The following BRI3BP variants were observed in gnomAD, a reference collection of about 807,000 sequenced individuals.
BRI3BP encodes BRI3 binding protein.
BRI3BP carries 7 observed loss-of-function variants against 15.8 expected under a neutral mutation model. That is an observed-to-expected ratio of 0.44 (90% confidence interval 0.25 to 0.83). BRI3BP has a LOEUF of 0.83. BRI3BP is among the 40% of genes least tolerant of loss of function. The pLI is 0.20. For synonymous variants in BRI3BP, 192 were observed against 163.5 expected (o/e 1.17, Z -1.33); for missense variants, 320 against 339.3 (o/e 0.94, Z 0.45).
At chr12:125,010,150 T>G (rs1955185044) in intron 1 of BRI3BP, among the ~76,000 whole-genome samples, 3 of 151,978 alleles carry the variant, frequency 2.0e-5, no homozygotes, top group African/African-American at 4.8e-5. Context: ...AACAGGAGTC[T>G]TGAACACTTA....
chr12:125,039,196 C>T, the BRI3BP span, among the ~76,000 whole-genome samples: 1 of 152,256 alleles, frequency 6.6e-6, no homozygotes, highest in African/African-American at 2.4e-5. Flanking sequence ...GAAGTCAGGA[C>T]TGAAACCCAG....
At chr12:125,040,736 C>T in the BRI3BP span, among the ~76,000 whole-genome samples, 2 of 150,672 alleles carry the variant, frequency 1.3e-5, no homozygotes, top group African/African-American at 2.4e-5. Context: ...TTTATTTATT[C>T]ATTTTTTTTT....
intron 1 of BRI3BP, among the ~76,000 whole-genome samples, chr12:124,997,214 CTTTTT>C (rs1229802280): frequency 5.8e-5 from 3 of 51,548 alleles, no homozygotes; most frequent in Non-Finnish European, 9.6e-5. Flanking sequence ...CTTTACTTCT[CTTTTT>C]TTTTTTTTTT....
chr12:125,020,841 C>T (rs1955292720), intron 2 of BRI3BP, among the ~76,000 whole-genome samples: 1 of 152,056 alleles, frequency 6.6e-6, no homozygotes, highest in South Asian at 2.1e-4. Context: ...GATCATGCTA[C>T]TGAAGTCTAG....
At chr12:125,043,157 G>A in the BRI3BP span, among the ~76,000 whole-genome samples, 9 of 152,224 alleles carry the variant, frequency 5.9e-5, no homozygotes, top group Non-Finnish European at 1.2e-4. Flanking sequence ...ATAACAATGT[G>A]TGGTATTATT....
the BRI3BP span, among the ~76,000 whole-genome samples, chr12:125,042,728 G>T: frequency 1.3e-5 from 2 of 151,940 alleles, no homozygotes; most frequent in Non-Finnish European, 2.9e-5. Flanking sequence ...TTAGAGATAG[G>T]GTTTCACCGT....
At chr12:125,013,044 A>G (rs574522013) in intron 2 of BRI3BP, among the ~76,000 whole-genome samples, 40 of 152,308 alleles carry the variant, frequency 2.6e-4, no homozygotes, top group South Asian at 1.2e-3. Flanking sequence ...TGATCATGCC[A>G]CTGTACTCCA....
intron 1 of BRI3BP, among the ~76,000 whole-genome samples, chr12:125,007,236 T>C (rs1955152589): frequency 6.6e-6 from 1 of 151,688 alleles, no homozygotes. Context: ...TTGACAAACA[T>C]GTACAAGTCA....
rs761451999 is a variant in BRI3BP at position 125,025,109 on chromosome 12, C to T, written c.435C>T (p.Phe145=). The change falls in exon 3 of 3, where the codon TTC becomes TTT. Residue 145 remains phenylalanine (F), a synonymous_variant. Transcript: ENST00000341446. The part of the protein sequence containing the change: ...AYWFLSLTLG[F]TFSVLHVVFG... Reference sequence around the variant, plus strand: ...GGTTCTTGTCCCTGACCCTGGGCTTCACTTTCAGCGTCCTGCACGTGGTGT... The same window carrying T: ...GGTTCTTGTCCCTGACCCTGGGCTTTACTTTCAGCGTCCTGCACGTGGTGT... 3.1e-6 allele frequency: 5 copies of T among 1,614,034 alleles called. No homozygotes were observed. The highest frequency in any genetic ancestry group is 4.2e-6 in the Non-Finnish European group (5 of 1,180,034).
intron 2 of BRI3BP, among the ~76,000 whole-genome samples, chr12:125,020,105 G>A (rs916493865): frequency 1.3e-5 from 2 of 151,586 alleles, no homozygotes; most frequent in Non-Finnish European, 2.9e-5. Flanking sequence ...CACTATGCCC[G>A]GCTAATTTTG....
rs1036530548 is a variant in BRI3BP at position 125,031,102 on chromosome 12, T to G, written c.*5672T>G. On this transcript the variant is annotated 3_prime_UTR_variant, in exon 3 of 3. Coordinates refer to ENST00000341446, the MANE Select transcript of BRI3BP (RefSeq NM_080626.6). ...CTCTTATTTATTAAATCACTGGCTTTGGTGTTATGTAGAGATATTTGTAGA... is the reference window on the plus strand; with the variant it reads ...CTCTTATTTATTAAATCACTGGCTTGGGTGTTATGTAGAGATATTTGTAGA... The G allele has an allele frequency of 6.6e-6, 1 of 152,224 alleles. No individual in the cohort carries two copies. The highest frequency in any genetic ancestry group is 2.4e-5 in the African/African-American group (1 of 41,460). The allele number at this position is 152,224 out of a possible 1,614,324, so 9.4% of individuals were successfully genotyped here.
intron 1 of BRI3BP, among the ~76,000 whole-genome samples, chr12:125,002,918 C>A (rs1386622101): frequency 6.6e-6 from 1 of 152,200 alleles, no homozygotes; most frequent in East Asian, 1.9e-4. Flanking sequence ...CTGTTTGTGC[C>A]ATCGCATTCT....
At position 125,025,393 on chromosome 12, in the gene BRI3BP, G is replaced by A. The variant is rs770101140; in HGVS notation, c.719G>A (p.Arg240Gln). 5.6e-6 allele frequency: 9 copies of A among 1,608,904 alleles called. No individual in the cohort carries two copies. The Admixed American group carries it at 1.3e-4, about 24-fold the overall frequency. Residue 240 changes from arginine (R) to glutamine (Q), a missense_variant, in exon 3 of 3, where the codon CGG becomes CAG. By Grantham distance (43) the Arg-to-Gln change is conservative (BLOSUM62 1). Coordinates refer to ENST00000341446, the MANE Select transcript of BRI3BP (RefSeq NM_080626.6). ...QVRLLNIRLN[R>Q]VLESLDRSKD... Reference sequence around the variant, plus strand: ...AGACTGCTCAACATCCGTCTCAACCGGGTGCTCGAGAGCCTGGACCGCTCC... The same window carrying A: ...AGACTGCTCAACATCCGTCTCAACCAGGTGCTCGAGAGCCTGGACCGCTCC...
chr12:125,037,298 T>G, the BRI3BP span, among the ~76,000 whole-genome samples: 1 of 152,078 alleles, frequency 6.6e-6, no homozygotes, highest in Non-Finnish European at 1.5e-5. Context: ...CCTCAGGTGA[T>G]CCACCTGCCT....
At position 125,029,376 on chromosome 12, in the gene BRI3BP, A is replaced by G. The variant is rs1955388242; in HGVS notation, c.*3946A>G. On this transcript the variant is annotated 3_prime_UTR_variant, in exon 3 of 3. Coordinates refer to ENST00000341446, the MANE Select transcript of BRI3BP (RefSeq NM_080626.6). Reference sequence around the variant, plus strand: ...CAAAAAATACAAAAAAAAAAAAAAAAAAAAAAATAGCCAGGTGTGGTGGTG... The same window carrying G: ...CAAAAAATACAAAAAAAAAAAAAAAGAAAAAAATAGCCAGGTGTGGTGGTG... The G allele has an allele frequency of 6.7e-6, 1 of 149,506 alleles. No homozygotes were observed. The highest frequency in any genetic ancestry group is 1.5e-5 in the Non-Finnish European group (1 of 67,172). 9.3% of individuals were successfully genotyped at this position (149,506 alleles called of 1,614,324 possible).
the BRI3BP span, among the ~76,000 whole-genome samples, chr12:125,037,988 A>G: frequency 5.3e-4 from 80 of 152,076 alleles, no homozygotes; most frequent in African/African-American, 1.5e-3. Context: ...CCCTGATCTT[A>G]AGCAGTAGAA....
chr12:125,040,646 A>G, the BRI3BP span, among the ~76,000 whole-genome samples: 1 of 151,190 alleles, frequency 6.6e-6, no homozygotes, highest in East Asian at 2.0e-4. Flanking sequence ...CCCCACCTCA[A>G]AGTATAGTTA....
intron 1 of BRI3BP, among the ~76,000 whole-genome samples, chr12:125,001,642 C>T (rs1955092386): frequency 6.6e-6 from 1 of 152,204 alleles, no homozygotes; most frequent in Admixed American, 6.5e-5. Context: ...TCCCAAAGTG[C>T]TGGGATTATA....
chr12:125,040,981 T>A, the BRI3BP span, among the ~76,000 whole-genome samples: 2 of 152,164 alleles, frequency 1.3e-5, no homozygotes, highest in Non-Finnish European at 2.9e-5. Flanking sequence ...TCCACCTGCC[T>A]CAGCCTCCCA....
Sources: gnomAD v4.1 joint callset for allele counts (sites outside exome capture counted in the v4.1 genomes callset) on GRCh38, gnomAD v4.1.1 for gene constraint, MANE v1.5 for transcripts, NCBI Gene and HGNC (gene_info 2026-07-23, HGNC 2026-07-21) for gene names.